The following PTPRS variants were observed in gnomAD, a reference collection of about 807,000 sequenced individuals.
The protein encoded by PTPRS is protein tyrosine phosphatase receptor type S.
In PTPRS, 63 loss-of-function variants were observed where a neutral mutation model predicts 215.3. That is an observed-to-expected ratio of 0.29 (90% confidence interval 0.24 to 0.36). PTPRS has a LOEUF of 0.36. Among genes scored for constraint, PTPRS ranks in the 10% least tolerant of loss-of-function variants. PTPRS has a pLI of 1.00. For synonymous variants in PTPRS, 1,404 were observed against 1,191.4 expected, an observed-to-expected ratio of 1.18 and a Z score of -3.68; for missense variants, 2,258 against 2,825.8, an observed-to-expected ratio of 0.80 and a Z score of 4.56.
At chr19:5,265,808 C>T (rs544045512) in intron 4 of PTPRS, among the ~76,000 whole-genome samples, 3 of 151,638 alleles carry the variant, frequency 2.0e-5, no homozygotes, top group Non-Finnish European at 2.9e-5. Context: ...GTGGGTGCTC[C>T]TGGAATGGAC....
Position 5,245,907 on chromosome 19 carries a change from G to A in PTPRS, c.857C>T (p.Thr286Ile). Residue 286 changes from threonine (T) to isoleucine (I), a missense_variant, in exon 10 of 38, where the codon ACC (threonine) becomes ATC (isoleucine). Coordinates refer to ENST00000262963, the MANE Select transcript of PTPRS (RefSeq NM_002850.4). ...VKWMQGAEDL[T>I]PEDDMPVGRN... ...ACCCACGGGCATGTCATCCTCGGGG[G>A]TCAGGTCCTCGGCCCCCTGCATCCA... 1 of 1,613,984 alleles carries A rather than the reference G, an allele frequency of 6.2e-7. No homozygotes were observed. The highest frequency in any genetic ancestry group is 8.5e-7 in the Non-Finnish European group (1 of 1,179,984).
intron 1 of PTPRS, among the ~76,000 whole-genome samples, chr19:5,335,573 G>T (rs1040114445): frequency 6.6e-6 from 1 of 152,190 alleles, no homozygotes; most frequent in African/African-American, 2.4e-5. Flanking sequence ...TCCAGGTAGG[G>T]GGAACAGGAG....
intron 4 of PTPRS, among the ~76,000 whole-genome samples, chr19:5,269,314 A>G (rs1243004788): frequency 3.1e-4 from 47 of 152,012 alleles, no homozygotes; most frequent in Non-Finnish European, 1.5e-5. Flanking sequence ...CGCTACCGAG[A>G]ACACCTAATT....
intron 6 of PTPRS, among the ~76,000 whole-genome samples, chr19:5,262,684 G>A (rs1351220365): frequency 6.6e-6 from 1 of 152,242 alleles, no homozygotes. Flanking sequence ...GCATTTTGAG[G>A]TCTGCCTGGC....
At position 5,257,878 on chromosome 19, in the gene PTPRS, AGGTCCCACCGCGACCGGGGAGGG is replaced by A; in HGVS notation, c.706+116_706+138del. 1 of 680,772 alleles carries A rather than the reference AGGTCCCACCGCGACCGGGGAGGG, an allele frequency of 1.5e-6. No homozygotes were observed. Among genetic ancestry groups the A allele is most frequent in the South Asian group, 1.8e-5 (1 of 54,074 alleles). The allele number at this position is 680,772 out of a possible 1,614,324, so 42.2% of individuals were successfully genotyped here. ...CCAGAGAGGGACGCCGCCTCGGCCA[AGGTCCCACCGCGACCGGGGAGGG>A]GCCTTCCTGCTTGGGTGTGCAGGGG... On this transcript the variant is annotated intron_variant, in intron 8 of 37. Transcript: ENST00000262963. This position sits in a 1 kb window ranked among gnomAD's most constrained non-coding sequence, Gnocchi z 4.4.
At chr19:5,218,833 A>G in intron 23 of PTPRS, 35 bp from the exon 24 acceptor site, 1 of 1,571,198 alleles carries the variant, frequency 6.4e-7, no homozygotes. Flanking sequence ...GAGAAGGGGG[A>G]AAAAAAGAAG....
At position 5,287,902 on chromosome 19, in the gene PTPRS, G is replaced by T. The variant is rs1009239923; in HGVS notation, c.-94-1668C>A. On this transcript the variant is annotated intron_variant, in intron 1 of 37. Transcript: ENST00000262963. This position sits in a 1 kb window ranked among gnomAD's most constrained non-coding sequence, Gnocchi z 4.8. ...ACCGACACACAGTCAGACTGCAAGC[G>T]GTTGCATATCTGCAAGAGACACAGA... is the stretch of plus-strand genomic sequence containing the variant. 6.7e-6 allele frequency among the ~76,000 whole-genome samples: 1 copy of T among 150,166 alleles called. No individual in the cohort carries two copies. The highest frequency in any genetic ancestry group is 1.5e-5 in the Non-Finnish European group (1 of 67,690).
intron 2 of PTPRS, among the ~76,000 whole-genome samples, chr19:5,276,909 G>A (rs986656663): frequency 1.3e-5 from 2 of 152,048 alleles, no homozygotes; most frequent in African/African-American, 4.8e-5. Context: ...CAGTATCTGT[G>A]GAGAATTCAT....
intron 6 of PTPRS, among the ~76,000 whole-genome samples, chr19:5,261,953 G>A (rs1233188656): frequency 2.0e-5 from 3 of 151,952 alleles, no homozygotes; most frequent in African/African-American, 7.2e-5. Context: ...ACACTGGGAT[G>A]ACGATGGTGG....
intron 5 of PTPRS, among the ~76,000 whole-genome samples, chr19:5,263,220 C>G (rs1398583771): frequency 6.6e-6 from 1 of 152,092 alleles, no homozygotes; most frequent in Non-Finnish European, 1.5e-5. Flanking sequence ...TATGGGGAAA[C>G]TGAGGCCACC....
chr19:5,219,146 C>T, intron 23 of PTPRS, 164 bp downstream of exon 23: 2 of 946,246 alleles, frequency 2.1e-6, no homozygotes, highest in South Asian at 3.4e-5. Flanking sequence ...TCTGCCATTC[C>T]CATGCTGTGT....
intron 2 of PTPRS, among the ~76,000 whole-genome samples, chr19:5,283,270 TTCTCCTG>T: frequency 2.0e-5 from 1 of 49,590 alleles, no homozygotes; most frequent in South Asian, 7.1e-4. Context: ...CCCCAGCACT[TTCTCCTG>T]TCACCCCAGC....
chr19:5,274,177 G>T (rs753626040), intron 3 of PTPRS, 22 bp downstream of exon 3: 1 of 1,597,252 alleles, frequency 6.3e-7, no homozygotes. Flanking sequence ...ACCCCAGGCT[G>T]CCTCCCCCTA....
chr19:5,334,730 G>A (rs2050437869), intron 1 of PTPRS, among the ~76,000 whole-genome samples: 1 of 152,176 alleles, frequency 6.6e-6, no homozygotes, highest in South Asian at 2.1e-4. Flanking sequence ...CAGGCGTTAG[G>A]AATCCAGGTT....
At chr19:5,320,677 C>T (rs1347040746) in intron 1 of PTPRS, among the ~76,000 whole-genome samples, 1 of 152,110 alleles carries the variant, frequency 6.6e-6, no homozygotes, top group East Asian at 1.9e-4. Flanking sequence ...CTGCTCACCT[C>T]AGCCTCCCAA....
intron 4 of PTPRS, among the ~76,000 whole-genome samples, chr19:5,272,681 T>C (rs2047026253): frequency 1.4e-5 from 2 of 143,016 alleles, no homozygotes; most frequent in South Asian, 4.6e-4. Flanking sequence ...TGCAGGCCCG[T>C]GTGAATGTCT....
chr19:5,212,210 C>T lies in PTPRS; in HGVS notation c.4810G>A (p.Ala1604Thr), dbSNP rs377564137. The T allele has an allele frequency of 1.5e-5, 24 of 1,613,364 alleles. No individual in the cohort carries two copies. The highest frequency in any genetic ancestry group is 1.9e-5 in the Non-Finnish European group (22 of 1,179,786). The change falls in exon 32 of 38, where the codon GCC becomes ACC. Residue 1604 changes from alanine to threonine, a missense_variant. Transcript: ENST00000262963. ...GRTGCFIVID[A>T]MLERIKPEKT... Reference sequence around the variant, plus strand: ...TCTGGCTTGATCCGCTCAAGCATGGCGTCGATGACGATAAAGCAGCCTGTG... The same window carrying T: ...TCTGGCTTGATCCGCTCAAGCATGGTGTCGATGACGATAAAGCAGCCTGTG...
chr19:5,327,989 G>T (rs1346409349), intron 1 of PTPRS, among the ~76,000 whole-genome samples: 1 of 152,108 alleles, frequency 6.6e-6, no homozygotes, highest in Non-Finnish European at 1.5e-5. Context: ...TTCTCCTCAG[G>T]AGACAAGAAA....
chr19:5,273,390 C>T, intron 4 of PTPRS, 52 bp downstream of exon 4: 1 of 1,612,470 alleles, frequency 6.2e-7, no homozygotes, highest in African/African-American at 1.3e-5. Flanking sequence ...TGTGCTTGTC[C>T]CCAAAGCCCA....
Sources: gnomAD v4.1 joint callset for allele counts (sites outside exome capture counted in the v4.1 genomes callset) on GRCh38, gnomAD v4.1.1 for gene constraint, Gnocchi (gnomAD v3.1) non-coding constraint, MANE v1.5 for transcripts, NCBI Gene and HGNC (gene_info 2026-07-23, HGNC 2026-07-21) for gene names.